Variants in CAP2 observed in about 807,000 individuals in gnomAD.
CAP2 encodes adenylyl cyclase-associated protein 2.
CAP2 carries 24 observed loss-of-function variants against 57.7 expected under a neutral mutation model. The observed-to-expected ratio is 0.42, with a 90% CI of 0.30 to 0.58. CAP2 has a LOEUF of 0.58. Ranked by LOEUF, CAP2 falls within the 20% of genes least tolerant of loss-of-function variation. The pLI is 0.22. For synonymous variants in CAP2, 194 were observed against 207.2 expected, an observed-to-expected ratio of 0.94 and a Z score of 0.55; for missense variants, 501 against 590.3, an observed-to-expected ratio of 0.85 and a Z score of 1.57.
At position 17,421,685 on chromosome 6, in the gene CAP2, A is replaced by G. The variant is rs1340965714; in HGVS notation, c.121+9A>G. The G allele has an allele frequency of 6.2e-7, 1 of 1,614,160 alleles. No homozygotes were observed. The highest frequency in any genetic ancestry group is 8.5e-7 in the Non-Finnish European group (1 of 1,179,996). ...CAATGGTGTCATTGCAGGTAGGGTCACAAACTGTTGTCATTCCTGGTCTTC... is the reference window on the plus strand; with the variant it reads ...CAATGGTGTCATTGCAGGTAGGGTCGCAAACTGTTGTCATTCCTGGTCTTC... On this transcript the variant is annotated intron_variant, in intron 2 of 12. Coordinates refer to ENST00000229922, the MANE Select transcript of CAP2 (RefSeq NM_006366.3).
intron 3 of CAP2, among the ~76,000 whole-genome samples, chr6:17,459,766 A>C (rs1581536907): frequency 6.6e-6 from 1 of 152,212 alleles, no homozygotes; most frequent in Non-Finnish European, 1.5e-5. Context: ...GACCTGTTGA[A>C]AATTTGTTTA....
chr6:17,412,095 C>A (rs1759154972), intron 1 of CAP2, among the ~76,000 whole-genome samples: 1 of 152,062 alleles, frequency 6.6e-6, no homozygotes, highest in Non-Finnish European at 1.5e-5. Context: ...CTTACTCAGC[C>A]CCATCACCCC....
intron 4 of CAP2, among the ~76,000 whole-genome samples, chr6:17,469,675 G>C (rs970655833): frequency 6.6e-6 from 1 of 152,052 alleles, no homozygotes; most frequent in African/African-American, 2.4e-5. Context: ...ACTTTAAAGG[G>C]AAATAGTGCC....
intron 3 of CAP2, among the ~76,000 whole-genome samples, chr6:17,456,896 A>T (rs1376461739): frequency 6.6e-6 from 1 of 152,102 alleles, no homozygotes; most frequent in East Asian, 1.9e-4. Flanking sequence ...AAACAATGCA[A>T]AGCTTTGATG....
intron 4 of CAP2, among the ~76,000 whole-genome samples, chr6:17,499,398 CAA>C (rs71002217): frequency 0.068 from 4,710 of 69,326 alleles, 198 homozygotes; most frequent in African/African-American, 0.23. Context: ...GACTCCATCT[CAA>C]AAAAAAAAAA....
At chr6:17,446,298 C>G (rs1760255010) in intron 3 of CAP2, among the ~76,000 whole-genome samples, 1 of 152,140 alleles carries the variant, frequency 6.6e-6, no homozygotes, top group Non-Finnish European at 1.5e-5. Flanking sequence ...TAGAGAAAGT[C>G]AAAGACATAA....
intron 11 of CAP2, among the ~76,000 whole-genome samples, chr6:17,547,797 C>T (rs964565679): frequency 5.4e-5 from 8 of 149,220 alleles, no homozygotes; most frequent in Non-Finnish European, 1.0e-4. Context: ...GCTGAGATCG[C>T]GCCACTGCAC....
intron 7 of CAP2, among the ~76,000 whole-genome samples, chr6:17,517,073 G>A (rs1049486425): frequency 1.3e-5 from 2 of 152,064 alleles, no homozygotes; most frequent in African/African-American, 2.4e-5. Flanking sequence ...ATTTTTTATC[G>A]ATTTCCAATG....
chr6:17,431,768 G>T (rs192839021), intron 3 of CAP2, among the ~76,000 whole-genome samples: 1 of 152,190 alleles, frequency 6.6e-6, no homozygotes, highest in African/African-American at 2.4e-5. Context: ...GAGGCAGGAT[G>T]ACATAATTTC....
intron 7 of CAP2, among the ~76,000 whole-genome samples, chr6:17,527,359 C>T (rs947786439): frequency 6.6e-6 from 1 of 152,072 alleles, no homozygotes; most frequent in African/African-American, 2.4e-5. Flanking sequence ...TATCTTTAAC[C>T]CTGGAAAGTT....
In CAP2 at chr6:17,424,980, TTG is replaced by T. The variant is rs1759550840; in HGVS notation, c.122-1608_122-1607del. On this transcript the variant is annotated intron_variant, in intron 2 of 12. Coordinates refer to ENST00000229922, the MANE Select transcript of CAP2 (RefSeq NM_006366.3). ...TTGTGTCCTTTTTATGTTCCAGAAG[TTG>T]TTATATACTGTGCTGTGAACTTTAA... Among the ~76,000 whole-genome samples the T allele has an allele frequency of 1.3e-5, 2 of 152,300 alleles. 1 individual carries two copies. The highest frequency in any genetic ancestry group is 4.1e-4 in the South Asian group (2 of 4,826).
At chr6:17,428,964 A>G (rs2113542838) in intron 3 of CAP2, among the ~76,000 whole-genome samples, 1 of 152,288 alleles carries the variant, frequency 6.6e-6, no homozygotes, top group East Asian at 1.9e-4. Flanking sequence ...GCCACATCTA[A>G]GAAAAACAAA....
chr6:17,520,282 A>AT (rs113767399), intron 7 of CAP2, among the ~76,000 whole-genome samples: 3,283 of 151,580 alleles, frequency 0.022, 119 homozygotes, highest in African/African-American at 0.075. Flanking sequence ...TAATTTTTAT[A>AT]TTTTTTTTGT....
At chr6:17,525,123 G>A (rs1322693562) in intron 7 of CAP2, among the ~76,000 whole-genome samples, 1 of 151,574 alleles carries the variant, frequency 6.6e-6, no homozygotes, top group Non-Finnish European at 1.5e-5. Flanking sequence ...GGCTGGTCTC[G>A]AAATCCTAAC....
At chr6:17,505,646 A>G (rs1761961043) in intron 4 of CAP2, among the ~76,000 whole-genome samples, 1 of 152,222 alleles carries the variant, frequency 6.6e-6, no homozygotes, top group Non-Finnish European at 1.5e-5. Context: ...GATTTACTAA[A>G]ATACTGCTTA....
At chr6:17,395,274 C>T (rs1758638750) in intron 1 of CAP2, among the ~76,000 whole-genome samples, 1 of 152,156 alleles carries the variant, frequency 6.6e-6, no homozygotes, top group African/African-American at 2.4e-5. Context: ...GTCTCCTTAG[C>T]AACTACTCAG....
chr6:17,498,290 T>A (rs953132198), intron 4 of CAP2, among the ~76,000 whole-genome samples: 5 of 152,194 alleles, frequency 3.3e-5, no homozygotes, highest in East Asian at 1.9e-4. Flanking sequence ...GGCCCCAAAA[T>A]CCTAGAGAAG....
intron 4 of CAP2, among the ~76,000 whole-genome samples, chr6:17,494,804 GA>G (rs1304806062): frequency 6.6e-6 from 1 of 152,174 alleles, no homozygotes; most frequent in Non-Finnish European, 1.5e-5. Context: ...GAGTAAAGTA[GA>G]TTGCGCTTCC....
At chr6:17,436,011 G>C (rs576642438) in intron 3 of CAP2, among the ~76,000 whole-genome samples, 6 of 152,314 alleles carry the variant, frequency 3.9e-5, no homozygotes, top group African/African-American at 1.4e-4. Context: ...TAGATCCTGT[G>C]AGTCTCTAAG....
Sources: allele counts gnomAD v4.1 joint callset (sites outside exome capture counted in the v4.1 genomes callset), GRCh38; gene constraint gnomAD v4.1.1; transcripts MANE v1.5; gene names NCBI Gene and HGNC (gene_info 2026-07-23, HGNC 2026-07-21).